Variants in BBS9 observed in about 807,000 individuals in gnomAD.
The protein encoded by BBS9 is Bardet-Biedl syndrome 9, also known as protein PTHB1.
In BBS9, 89 loss-of-function variants were observed where a neutral mutation model predicts 117.7. That is an observed-to-expected ratio of 0.76 (90% CI 0.64 to 0.90). The LOEUF (loss-of-function observed/expected upper bound fraction) is 0.90. Among genes scored for constraint, BBS9 ranks in the 40% least tolerant of loss-of-function variants. The probability of loss-of-function intolerance (pLI) is 0.00; values close to 1 mark genes in which losing one functional copy is unlikely to be tolerated. For synonymous variants in BBS9, 379 were observed against 370.9 expected, an observed-to-expected ratio of 1.02 and a Z score of -0.25; for missense variants, 982 against 1,042.2, an observed-to-expected ratio of 0.94 and a Z score of 0.80.
At chr7:33,253,297 A>C (rs13235723) in intron 5 of BBS9, among the ~76,000 whole-genome samples, 39,038 of 152,048 alleles carry the variant, frequency 0.26, 5,099 homozygotes, top group South Asian at 0.31. Flanking sequence ...AACAAAGACT[A>C]GACTTAATGA....
At chr7:33,205,639 C>T (rs982936230) in intron 5 of BBS9, among the ~76,000 whole-genome samples, 1 of 152,104 alleles carries the variant, frequency 6.6e-6, no homozygotes, top group African/African-American at 2.4e-5. Flanking sequence ...TGGGGAACTC[C>T]TCATGAGGCA....
intron 21 of BBS9, among the ~76,000 whole-genome samples, chr7:33,546,081 C>A (rs1289593553): frequency 2.0e-5 from 3 of 151,506 alleles, no homozygotes; most frequent in African/African-American, 7.3e-5. Context: ...CTACAGGCGC[C>A]TGCCACCGCG....
At chr7:33,408,833 G>T (rs77929072) in intron 19 of BBS9, among the ~76,000 whole-genome samples, 107 of 152,254 alleles carry the variant, frequency 7.0e-4, no homozygotes, top group Middle Eastern at 3.4e-3. Context: ...CCCAGTAGTG[G>T]AAGTGTTCCC....
At chr7:33,552,404 A>G (rs867374018) in intron 21 of BBS9, among the ~76,000 whole-genome samples, 60 of 152,056 alleles carry the variant, frequency 3.9e-4, no homozygotes, top group African/African-American at 1.3e-3. Context: ...ACCTTCCAAC[A>G]CATCCACTCC....
intron 21 of BBS9, among the ~76,000 whole-genome samples, chr7:33,631,608 A>G (rs958435326): frequency 1.3e-5 from 2 of 152,094 alleles, no homozygotes; most frequent in African/African-American, 4.8e-5. Context: ...TCTGAATCCA[A>G]TTTTCAGAGG....
intron 17 of BBS9, among the ~76,000 whole-genome samples, chr7:33,373,706 C>T (rs915619402): frequency 2.6e-5 from 4 of 152,088 alleles, no homozygotes; most frequent in African/African-American, 4.8e-5. Flanking sequence ...ACTAATACAT[C>T]GGATGTTTCA....
chr7:33,354,129 A>G (rs867098247), intron 15 of BBS9, among the ~76,000 whole-genome samples: 1 of 152,184 alleles, frequency 6.6e-6, no homozygotes, highest in South Asian at 2.1e-4. Flanking sequence ...TAGTGTTTCA[A>G]TACAAAGTGA....
At chr7:33,617,917 A>G (rs1289292640) in intron 21 of BBS9, among the ~76,000 whole-genome samples, 2 of 152,302 alleles carry the variant, frequency 1.3e-5, no homozygotes, top group South Asian at 2.1e-4. Flanking sequence ...CAACTAACAT[A>G]TGCATTATGG....
intron 5 of BBS9, among the ~76,000 whole-genome samples, chr7:33,203,439 C>T (rs1389739525): frequency 1.3e-5 from 2 of 152,118 alleles, no homozygotes; most frequent in Non-Finnish European, 2.9e-5. Context: ...GAGAACCCTG[C>T]TCTCTAGAAC....
chr7:33,494,241 G>C (rs1210644652), intron 19 of BBS9, among the ~76,000 whole-genome samples: 1 of 152,100 alleles, frequency 6.6e-6, no homozygotes, highest in Admixed American at 6.6e-5. Context: ...GAGTACAGGG[G>C]TGCAGATAAA....
At chr7:33,384,498 G>C (rs1042096650) in intron 18 of BBS9, among the ~76,000 whole-genome samples, 2 of 152,112 alleles carry the variant, frequency 1.3e-5, no homozygotes, top group African/African-American at 4.8e-5. Context: ...CCAAATATTT[G>C]TTTTGTGAGT....
intron 5 of BBS9, 118 bp downstream of exon 5, chr7:33,177,709 T>A: frequency 1.3e-6 from 1 of 763,610 alleles, no homozygotes; most frequent in Non-Finnish European, 2.3e-6. Context: ...AGACATTTTA[T>A]TGAAACCTTT....
At chr7:33,576,546 GA>G (rs916197474) in intron 21 of BBS9, among the ~76,000 whole-genome samples, 1 of 151,940 alleles carries the variant, frequency 6.6e-6, no homozygotes, top group African/African-American at 2.4e-5. Flanking sequence ...CACAGAATTG[GA>G]AAAAAACACT....
At chr7:33,526,179 A>G (rs1328671572) in intron 20 of BBS9, among the ~76,000 whole-genome samples, 1 of 151,834 alleles carries the variant, frequency 6.6e-6, no homozygotes, top group Non-Finnish European at 1.5e-5. Context: ...GCTGCCCTTA[A>G]CATTTTTTCC....
chr7:33,435,231 C>T (rs1184144437), intron 19 of BBS9, among the ~76,000 whole-genome samples: 1 of 152,050 alleles, frequency 6.6e-6, no homozygotes, highest in Non-Finnish European at 1.5e-5. Flanking sequence ...AAAAAGGAAG[C>T]ATAGGGATTA....
intron 19 of BBS9, among the ~76,000 whole-genome samples, chr7:33,393,949 A>G (rs2128771097): frequency 6.6e-6 from 1 of 152,254 alleles, no homozygotes; most frequent in South Asian, 2.1e-4. Context: ...TGTATCCTGT[A>G]TAGGAACCCT....
chr7:33,608,022 T>C (rs137875804), downstream of BBS9, among the ~76,000 whole-genome samples: 297 of 152,038 alleles, frequency 2.0e-3, 2 homozygotes, highest in African/African-American at 6.8e-3. Context: ...TAGTACCCAA[T>C]AGCTATTTTT....
At chr7:33,222,223 G>A (rs185003027) in intron 5 of BBS9, among the ~76,000 whole-genome samples, 3 of 152,036 alleles carry the variant, frequency 2.0e-5, no homozygotes, top group Admixed American at 1.3e-4. Flanking sequence ...TGTTATATGC[G>A]GTTATACCTT....
At chr7:33,555,385 A>G (rs1389174064) in intron 21 of BBS9, among the ~76,000 whole-genome samples, 1 of 152,190 alleles carries the variant, frequency 6.6e-6, no homozygotes, top group Non-Finnish European at 1.5e-5. Context: ...TGGAAAAATA[A>G]TGGTGAGCAA....
Sources: gnomAD v4.1 joint callset for allele counts (sites outside exome capture counted in the v4.1 genomes callset) on GRCh38, gnomAD v4.1.1 for gene constraint, MANE v1.5 for transcripts, NCBI Gene and HGNC (gene_info 2026-07-23, HGNC 2026-07-21) for gene names.